Variants in UTRN observed in about 807,000 individuals in gnomAD.
UTRN encodes the protein utrophin.
A neutral mutation model predicts 463.9 loss-of-function variants in UTRN; 283 were observed. The observed-to-expected ratio is 0.61, with a 90% CI of 0.55 to 0.67. The LOEUF is 0.67. UTRN is among the 30% of genes least tolerant of loss of function. UTRN has a pLI of 0.00. For missense variants in UTRN, 3,922 were observed against 4,084.3 expected (o/e 0.96, Z 1.08); for synonymous variants, 1,442 against 1,431.5 (o/e 1.01, Z -0.17).
chr6:144,307,498 G>A (rs1308392032), intron 2 of UTRN, among the ~76,000 whole-genome samples: 1 of 152,166 alleles, frequency 6.6e-6, no homozygotes, highest in Non-Finnish European at 1.5e-5. Context: ...ATATTATAGG[G>A]TTATGTCTTC....
chr6:144,833,737 CTT>C (rs1431156220), intron 69 of UTRN, among the ~76,000 whole-genome samples: 1 of 152,204 alleles, frequency 6.6e-6, no homozygotes, highest in Non-Finnish European at 1.5e-5. Flanking sequence ...GCATCGCTGA[CTT>C]TGCATTGTGT....
At chr6:144,649,106 T>C (rs1185142264) in intron 51 of UTRN, among the ~76,000 whole-genome samples, 2 of 152,140 alleles carry the variant, frequency 1.3e-5, no homozygotes, top group Admixed American at 6.5e-5. Context: ...AGGGTTTTAA[T>C]GCAGGGCTTT....
chr6:144,544,755 G>A (rs1306683634), intron 46 of UTRN, among the ~76,000 whole-genome samples: 5 of 151,616 alleles, frequency 3.3e-5, no homozygotes, highest in African/African-American at 9.7e-5. Context: ...AGCTACCTGC[G>A]GCTGTACCCA....
intron 2 of UTRN, among the ~76,000 whole-genome samples, chr6:144,331,353 G>A (rs1314069969): frequency 6.6e-6 from 1 of 152,078 alleles, no homozygotes; most frequent in African/African-American, 2.4e-5. Context: ...CACTTAATGC[G>A]TGTTTGTTGA....
intron 3 of UTRN, among the ~76,000 whole-genome samples, chr6:144,416,002 G>A (rs1306514828): frequency 2.0e-5 from 3 of 152,072 alleles, no homozygotes; most frequent in African/African-American, 7.2e-5. Context: ...CTTGATATGT[G>A]ATGTATTTGC....
At chr6:144,355,427 G>T (rs1023921997) in intron 2 of UTRN, among the ~76,000 whole-genome samples, 2 of 152,088 alleles carry the variant, frequency 1.3e-5, no homozygotes, top group African/African-American at 4.8e-5. Context: ...TTGAACTCCT[G>T]GGCTCAAGTG....
At chr6:144,730,221 G>A (rs775768582) in intron 53 of UTRN, 136 bp from the exon 54 acceptor site, 3 of 965,502 alleles carry the variant, frequency 3.1e-6, no homozygotes, top group Non-Finnish European at 4.2e-6. Context: ...TTACATTTTG[G>A]CTTCTAACTT....
chr6:144,664,533 G>A (rs1321714539), intron 51 of UTRN, among the ~76,000 whole-genome samples: 1 of 150,050 alleles, frequency 6.7e-6, no homozygotes, highest in African/African-American at 2.5e-5. Flanking sequence ...TGAACTCCTG[G>A]GCTCAAGCTA....
At chr6:144,669,131 A>C (rs955968037) in intron 51 of UTRN, among the ~76,000 whole-genome samples, 2 of 152,194 alleles carry the variant, frequency 1.3e-5, no homozygotes, top group African/African-American at 4.8e-5. Flanking sequence ...TCAGGAGGAA[A>C]AGATAATTGC....
chr6:144,539,763 C>T (rs1013924979), intron 45 of UTRN, among the ~76,000 whole-genome samples: 7 of 152,018 alleles, frequency 4.6e-5, no homozygotes, highest in Admixed American at 2.6e-4. Context: ...CATTCTGAGC[C>T]GGGTGTGTTG....
intron 2 of UTRN, among the ~76,000 whole-genome samples, chr6:144,387,650 A>C (rs1219965102): frequency 6.6e-6 from 1 of 152,214 alleles, no homozygotes; most frequent in African/African-American, 2.4e-5. Context: ...TTCCAAGTGG[A>C]AAACCCACTG....
chr6:144,732,261 C>CATATATATATAT (rs1562832840), intron 54 of UTRN, among the ~76,000 whole-genome samples: 105 of 122,636 alleles, frequency 8.6e-4, no homozygotes, highest in Middle Eastern at 8.5e-3. Flanking sequence ...TATATATACA[C>CATATATATATAT]ACATATATAT....
At chr6:144,820,096 A>G (rs1321651052) in intron 65 of UTRN, among the ~76,000 whole-genome samples, 1 of 150,792 alleles carries the variant, frequency 6.6e-6, no homozygotes, top group Non-Finnish European at 1.5e-5. Flanking sequence ...GTAAATAGAA[A>G]CTAGAATTGT....
intron 8 of UTRN, among the ~76,000 whole-genome samples, chr6:144,429,253 TG>T (rs1785572787): frequency 6.6e-6 from 1 of 152,330 alleles, no homozygotes; most frequent in African/African-American, 2.4e-5. Context: ...TAGTTATAAA[TG>T]TTGCAGGATT....
intron 61 of UTRN, among the ~76,000 whole-genome samples, chr6:144,788,543 A>T (rs1371197272): frequency 6.6e-6 from 1 of 150,392 alleles, no homozygotes; most frequent in African/African-American, 2.4e-5. Context: ...ACAATTATTA[A>T]CGTATAGGTT....
intron 7 of UTRN, among the ~76,000 whole-genome samples, chr6:144,427,531 T>C (rs1785402040): frequency 6.6e-6 from 1 of 152,220 alleles, no homozygotes; most frequent in Admixed American, 6.5e-5. Flanking sequence ...TTTTGTTCTC[T>C]ATTGTGCCTT....
intron 2 of UTRN, among the ~76,000 whole-genome samples, chr6:144,357,222 GCTCAGC>G (rs1311892667): frequency 6.6e-6 from 1 of 152,078 alleles, no homozygotes; most frequent in African/African-American, 2.4e-5. Context: ...GTTGATAGTG[GCTCAGC>G]AAGGGTAGGA....
At chr6:144,754,579 G>T in intron 56 of UTRN, 141 bp from the exon 57 acceptor site, 5 of 309,072 alleles carry the variant, frequency 1.6e-5, no homozygotes, top group East Asian at 6.0e-5. Context: ...CAGAGACAGA[G>T]AAGGGGTCCA....
At chr6:144,318,665 T>C (rs1041829428) in intron 2 of UTRN, among the ~76,000 whole-genome samples, 1 of 152,184 alleles carries the variant, frequency 6.6e-6, no homozygotes, top group African/African-American at 2.4e-5. Context: ...GGTTTCATCA[T>C]GTTGGCCAGG....
Sources: gnomAD v4.1 joint callset for allele counts (sites outside exome capture counted in the v4.1 genomes callset) on GRCh38, gnomAD v4.1.1 for gene constraint, MANE v1.5 for transcripts, NCBI Gene and HGNC (gene_info 2026-07-23, HGNC 2026-07-21) for gene names.